Variants in RRP15 observed in about 807,000 individuals in gnomAD.
The protein encoded by RRP15 is RRP15-like protein.
Under a neutral mutation model 27.1 loss-of-function variants are expected in RRP15, and 18 were observed. The ratio of observed to expected loss-of-function variants is 0.66; its 90% CI spans 0.46 to 0.98. RRP15 has a LOEUF of 0.98. Ranked by LOEUF, RRP15 falls within the 50% of genes least tolerant of loss-of-function variation. RRP15 has a pLI of 0.00. For synonymous variants in RRP15, 107 were observed against 109.4 expected, an observed-to-expected ratio of 0.98 and a Z score of 0.14; for missense variants, 359 against 337.8, an observed-to-expected ratio of 1.06 and a Z score of -0.49.
chr1:218,316,435 C>T (rs1267727528), intron 4 of RRP15, among the ~76,000 whole-genome samples: 2 of 152,036 alleles, frequency 1.3e-5, no homozygotes, highest in African/African-American at 2.4e-5. Context: ...CATGTTAGCA[C>T]CTATAATGCA....
intron 4 of RRP15, among the ~76,000 whole-genome samples, chr1:218,329,143 A>G (rs957836759): frequency 1.4e-5 from 2 of 146,690 alleles, no homozygotes; most frequent in Non-Finnish European, 3.0e-5. Flanking sequence ...GCTCTTGCCT[A>G]TAATCCCAGC....
chr1:218,308,233 G>A (rs1368026572), intron 4 of RRP15, among the ~76,000 whole-genome samples: 1 of 150,978 alleles, frequency 6.6e-6, no homozygotes, highest in Non-Finnish European at 1.5e-5. Context: ...CATCACCTCC[G>A]GCTAATTTTT....
intron 4 of RRP15, among the ~76,000 whole-genome samples, chr1:218,320,093 G>T (rs12088633): frequency 0.049 from 7,243 of 148,398 alleles, 593 homozygotes; most frequent in African/African-American, 0.17. Flanking sequence ...AAGTTTTAGG[G>T]TACATGTGCA....
chr1:218,329,491 T>C (rs1020798910), intron 4 of RRP15, among the ~76,000 whole-genome samples: 10 of 152,144 alleles, frequency 6.6e-5, no homozygotes, highest in African/African-American at 2.2e-4. Context: ...GGTTTGATAT[T>C]GTAGAAATAA....
At chr1:218,322,328 T>G (rs1231184461) in intron 4 of RRP15, among the ~76,000 whole-genome samples, 1 of 152,232 alleles carries the variant, frequency 6.6e-6, no homozygotes, top group Non-Finnish European at 1.5e-5. Context: ...TTATATAAAG[T>G]GCTTGGCACA....
chr1:218,303,792 C>T (rs969873882), intron 2 of RRP15, among the ~76,000 whole-genome samples: 1 of 151,756 alleles, frequency 6.6e-6, no homozygotes, highest in Non-Finnish European at 1.5e-5. Flanking sequence ...TACAAATGCT[C>T]TTTGTGTGTA....
intron 4 of RRP15, among the ~76,000 whole-genome samples, chr1:218,329,401 CAG>C (rs1227055378): frequency 6.6e-6 from 1 of 151,996 alleles, no homozygotes; most frequent in East Asian, 1.9e-4. Context: ...GCCTGGGTGA[CAG>C]AGTGAAAATC....
chr1:218,289,001 A>G (rs1158711075), intron 1 of RRP15, among the ~76,000 whole-genome samples: 1 of 152,102 alleles, frequency 6.6e-6, no homozygotes, highest in Non-Finnish European at 1.5e-5. Flanking sequence ...ATCTACCCCA[A>G]TTTCCTCATC....
rs1244364541 is a variant in RRP15 at position 218,307,641 on chromosome 1, T to C, written c.705+9T>C. ...AACCAAAAGCCAAACAGGTAAAAAC[T>C]TTTCTATAGGATTCAGTGTATCAGA... On this transcript the variant is annotated intron_variant, in intron 4 of 4. Coordinates refer to ENST00000366932, the MANE Select transcript of RRP15 (RefSeq NM_016052.4). The C allele has an allele frequency of 4.4e-6, 7 of 1,595,570 alleles. No homozygotes were observed. Among genetic ancestry groups the C allele is most frequent in the Non-Finnish European group, 6.0e-6 (7 of 1,164,624 alleles).
chr1:218,313,341 G>A (rs1355430282), intron 4 of RRP15, among the ~76,000 whole-genome samples: 1 of 152,196 alleles, frequency 6.6e-6, no homozygotes, highest in African/African-American at 2.4e-5. Context: ...AATCAGATTG[G>A]AGAGGCAATT....
chr1:218,291,528 C>CTTTTTTTTTTT, intron 1 of RRP15, among the ~76,000 whole-genome samples: 1 of 104,938 alleles, frequency 9.5e-6, no homozygotes, highest in Non-Finnish European at 1.8e-5. Context: ...TTGAATTTTC[C>CTTTTTTTTTTT]TTTTTTTTTT....
intron 4 of RRP15, among the ~76,000 whole-genome samples, chr1:218,320,032 T>A (rs1372173890): frequency 1.3e-5 from 2 of 148,982 alleles, no homozygotes; most frequent in Admixed American, 6.6e-5. Flanking sequence ...TTTTTTTTTT[T>A]ACTATGTTTT....
Position 218,330,935 on chromosome 1 carries a change from T to C in RRP15, c.706-13T>C, listed in dbSNP as rs1206969642. 2.5e-6 allele frequency: 4 copies of C among 1,607,428 alleles called. No individual in the cohort carries two copies. The Admixed American group carries it at 6.7e-5, about 27-fold the overall frequency. Reference sequence around the variant, plus strand: ...TTGACTTTTGAATATTTTGATTCTATAATTTTCCTTAGACTGAAGTGAAAT... The same window carrying C: ...TTGACTTTTGAATATTTTGATTCTACAATTTTCCTTAGACTGAAGTGAAAT... On this transcript the variant is annotated splice_polypyrimidine_tract_variant and intron_variant, in intron 4 of 4. Coordinates refer to ENST00000366932, the MANE Select transcript of RRP15 (RefSeq NM_016052.4).
chr1:218,322,544 T>G (rs190117888), intron 4 of RRP15, among the ~76,000 whole-genome samples: 37 of 152,226 alleles, frequency 2.4e-4, no homozygotes, highest in African/African-American at 8.7e-4. Context: ...GCTGTCCCTT[T>G]TTTTTTAAAT....
In RRP15 at chr1:218,285,439, C is replaced by G. The variant is rs762243823; in HGVS notation, c.123C>G (p.Asp41Glu). The G allele has an allele frequency of 1.2e-4, 186 of 1,613,996 alleles. 1 individual carries two copies. The East Asian group carries it at 4.0e-3, about 35-fold the overall frequency. Residue 41 changes from aspartate to glutamate, a missense_variant, in exon 1 of 5, where the codon GAC becomes GAG. Physicochemically the swap from Asp to Glu is conservative, Grantham distance 45. Transcript: ENST00000366932. ...VASVLEDEAT[D>E]TSDSEGSCGS... ...CGGTGCTGGAAGACGAGGCCACAGA[C>G]ACTTCTGATAGTGAAGGTAATGTGG...
chr1:218,325,347 TTTG>T (rs1260945095), intron 4 of RRP15, among the ~76,000 whole-genome samples: 1 of 152,212 alleles, frequency 6.6e-6, no homozygotes, highest in Non-Finnish European at 1.5e-5. Context: ...TTTTCTTCTT[TTTG>T]TTTTACTCCA....
chr1:218,300,992 A>G (rs1047871386), intron 1 of RRP15, among the ~76,000 whole-genome samples: 2 of 152,182 alleles, frequency 1.3e-5, no homozygotes, highest in Non-Finnish European at 1.5e-5. Flanking sequence ...GTTAAATAGT[A>G]TTTTATCTTA....
chr1:218,307,840 C>T (rs1467470677), intron 4 of RRP15, among the ~76,000 whole-genome samples: 2 of 151,974 alleles, frequency 1.3e-5, no homozygotes, highest in East Asian at 3.9e-4. Context: ...AGAATAGAAG[C>T]CTGTGTGGGC....
At position 218,302,280 on chromosome 1, in the gene RRP15, C is replaced by G. The variant is rs541676232; in HGVS notation, c.140-14C>G. Reference sequence around the variant, plus strand: ...TATTAAAGTTTAATTTGCCTTTACTCTTTGGTTCTATAGGAAGCTGTGGAT... The same window carrying G: ...TATTAAAGTTTAATTTGCCTTTACTGTTTGGTTCTATAGGAAGCTGTGGAT... On this transcript the variant is annotated splice_polypyrimidine_tract_variant and intron_variant, in intron 1 of 4. Coordinates refer to ENST00000366932, the MANE Select transcript of RRP15 (RefSeq NM_016052.4). The G allele has an allele frequency of 1.2e-6, 2 of 1,601,948 alleles. No homozygotes were observed. Among genetic ancestry groups the G allele is most frequent in the South Asian group, 1.1e-5 (1 of 90,252 alleles).
Sources: allele counts gnomAD v4.1 joint callset (sites outside exome capture counted in the v4.1 genomes callset), GRCh38; gene constraint gnomAD v4.1.1; transcripts MANE v1.5; gene names NCBI Gene and HGNC (gene_info 2026-07-23, HGNC 2026-07-21).